The following ACACA variants were observed in gnomAD, a reference collection of about 807,000 sequenced individuals.
ACACA encodes acetyl-CoA carboxylase 1.
Under a neutral mutation model 296.1 loss-of-function variants are expected in ACACA, and 103 were observed. The ratio of observed to expected loss-of-function variants is 0.35; its 90% confidence interval spans 0.30 to 0.41. The LOEUF is 0.41. Ranked by LOEUF, ACACA falls within the 10% of genes least tolerant of loss-of-function variation. ACACA has a pLI of 1.00. For missense variants in ACACA, 1,554 were observed against 2,989.7 expected (o/e 0.52, Z 11.20); for synonymous variants, 953 against 1,038.6 (o/e 0.92, Z 1.58).
At chr17:37,402,152 TG>T (rs1283320135) in intron 1 of ACACA, among the ~76,000 whole-genome samples, 4 of 152,196 alleles carry the variant, frequency 2.6e-5, no homozygotes, top group Admixed American at 1.3e-4. Context: ...GGTGTTTTTT[TG>T]GGTTCCTTTA....
chr17:37,163,585 C>G (rs765897251), intron 41 of ACACA, among the ~76,000 whole-genome samples: 3 of 152,170 alleles, frequency 2.0e-5, no homozygotes, highest in Non-Finnish European at 4.4e-5. Context: ...GATCCAGGCT[C>G]CTTGTACTGT....
chr17:37,240,663 C>T (rs755035401), intron 23 of ACACA, 99 bp from the exon 24 acceptor site: 62 of 873,972 alleles, frequency 7.1e-5, no homozygotes, highest in Non-Finnish European at 9.6e-5. Context: ...TTCCACTGAA[C>T]TGCTTTCCCT....
chr17:37,335,213 A>C (rs1598521384), intron 2 of ACACA, among the ~76,000 whole-genome samples: 1 of 152,244 alleles, frequency 6.6e-6, no homozygotes, highest in Non-Finnish European at 1.5e-5. Context: ...GTCTCGGCCC[A>C]AAACCCTACT....
chr17:37,326,232 C>T (rs1463530400), intron 3 of ACACA, among the ~76,000 whole-genome samples: 2 of 148,544 alleles, frequency 1.3e-5, no homozygotes, highest in Non-Finnish European at 3.0e-5. Context: ...AAAAAATGGC[C>T]AGGGTCAGGC....
At chr17:37,181,090 A>G (rs182400613) in intron 40 of ACACA, 111 bp downstream of exon 40, 8 of 1,128,900 alleles carry the variant, frequency 7.1e-6, no homozygotes, top group Admixed American at 1.7e-5. Context: ...CAGTGTCAAG[A>G]TATTTCTTGC....
chr17:37,356,743 A>G (rs1418774187), intron 1 of ACACA, among the ~76,000 whole-genome samples: 1 of 152,162 alleles, frequency 6.6e-6, no homozygotes. Context: ...TCTGAATTAC[A>G]AAAGGATTCT....
chr17:37,125,818 C>T (rs2143200540), intron 47 of ACACA, 24 bp from the exon 48 acceptor site: 1 of 1,579,948 alleles, frequency 6.3e-7, no homozygotes. Flanking sequence ...AGAAAGAAAA[C>T]AGAGAATAAG....
chr17:37,214,971 C>G (rs571513353), intron 29 of ACACA, among the ~76,000 whole-genome samples: 24 of 152,208 alleles, frequency 1.6e-4, no homozygotes, highest in African/African-American at 5.3e-4. Context: ...CAGTTGGCTA[C>G]CAATTAGTCA....
intron 41 of ACACA, among the ~76,000 whole-genome samples, chr17:37,171,938 A>C (rs149001798): frequency 2.7e-4 from 41 of 152,316 alleles, no homozygotes; most frequent in South Asian, 2.1e-3. Flanking sequence ...TATGGAAATT[A>C]ACCAAGTTGG....
intron 40 of ACACA, among the ~76,000 whole-genome samples, chr17:37,180,287 C>T (rs1002231000): frequency 6.6e-6 from 1 of 152,124 alleles, no homozygotes; most frequent in Non-Finnish European, 1.5e-5. Flanking sequence ...AAGGGAAATA[C>T]CGAATGAAGG....
intron 25 of ACACA, among the ~76,000 whole-genome samples, chr17:37,231,526 T>C (rs2079859442): frequency 6.6e-6 from 1 of 152,220 alleles, no homozygotes; most frequent in Non-Finnish European, 1.5e-5. Context: ...ACTTTTCTTC[T>C]TTATTTACAT....
intron 9 of ACACA, 112 bp from the exon 10 acceptor site, chr17:37,270,973 A>G: frequency 1.3e-6 from 1 of 770,152 alleles, no homozygotes; most frequent in Non-Finnish European, 2.3e-6. Context: ...TCTAAATACA[A>G]TAAAATAGAA....
chr17:37,232,937 A>T (rs1167648967), intron 25 of ACACA, among the ~76,000 whole-genome samples: 3 of 151,914 alleles, frequency 2.0e-5, no homozygotes. Context: ...ACCCAAACTC[A>T]AACTCTGAAA....
chr17:37,400,796 A>G (rs1009420910), intron 1 of ACACA, among the ~76,000 whole-genome samples: 11 of 151,988 alleles, frequency 7.2e-5, no homozygotes, highest in African/African-American at 2.7e-4. Flanking sequence ...TCATTCATCC[A>G]TTGGCATACA....
chr17:37,216,157 C>CAA (rs138827346), intron 29 of ACACA, among the ~76,000 whole-genome samples: 1 of 143,012 alleles, frequency 7.0e-6, no homozygotes, highest in South Asian at 2.2e-4. Flanking sequence ...CACACACACA[C>CAA]AACATACACA....
In ACACA at chr17:37,370,068, G is replaced by A. The variant is rs2049747334; in HGVS notation, c.39-30218C>T. Among the ~76,000 whole-genome samples the A allele has an allele frequency of 2.0e-5, 3 of 150,008 alleles. No homozygotes were observed. The South Asian group carries it at 6.3e-4, about 32-fold the overall frequency. On this transcript the variant is annotated intron_variant, in intron 1 of 55. Transcript: ENST00000616317. ...CTGTCACCAAGGCTGGAGTGCAGTG[G>A]CCCAATCTCGGCTCTGCAACCTCTG...
chr17:37,234,950 A>C (rs200702964), intron 25 of ACACA, 25 bp downstream of exon 25: 59 of 1,613,500 alleles, frequency 3.7e-5, no homozygotes, highest in Admixed American at 2.2e-4. Context: ...GACGGTCTTT[A>C]CAAGTTCTGA....
chr17:37,343,763 C>CAA (rs1161272864), intron 1 of ACACA, among the ~76,000 whole-genome samples: 28 of 67,018 alleles, frequency 4.2e-4, no homozygotes, highest in Non-Finnish European at 5.5e-4. Flanking sequence ...GACTCTGTCT[C>CAA]AAAAAAAAAA....
At chr17:37,101,445 G>GTATTCTTAT (rs200373176) in intron 52 of ACACA, among the ~76,000 whole-genome samples, 5,155 of 152,186 alleles carry the variant, frequency 0.034, 102 homozygotes, top group Middle Eastern at 0.11. Flanking sequence ...TAGGAGTCTG[G>GTATTCTTAT]TATTCTTATT....
Sources: gnomAD v4.1 joint callset for allele counts (sites outside exome capture counted in the v4.1 genomes callset) on GRCh38, gnomAD v4.1.1 for gene constraint, MANE v1.5 for transcripts, NCBI Gene and HGNC (gene_info 2026-07-23, HGNC 2026-07-21) for gene names.